The following DNAH5 variants were observed in gnomAD, a reference collection of about 807,000 sequenced individuals.
The protein encoded by DNAH5 is dynein axonemal heavy chain 5, also known as axonemal beta dynein heavy chain 5.
Under a neutral mutation model 518.2 loss-of-function variants are expected in DNAH5, and 372 were observed. The ratio of observed to expected loss-of-function variants is 0.72; its 90% confidence interval spans 0.66 to 0.78. DNAH5 has a LOEUF of 0.78. DNAH5 is among the 30% of genes least tolerant of loss of function. The probability of loss-of-function intolerance (pLI) is 0.00; values close to 1 mark genes in which losing one functional copy is unlikely to be tolerated. For missense variants in DNAH5, 5,523 were observed against 5,687.0 expected, an observed-to-expected ratio of 0.97 and a Z score of 0.93; for synonymous variants, 2,039 against 2,025.9, an observed-to-expected ratio of 1.01 and a Z score of -0.17.
chr5:13,847,816 T>C (rs1053934528), intron 31 of DNAH5, among the ~76,000 whole-genome samples: 1 of 151,646 alleles, frequency 6.6e-6, no homozygotes, highest in Non-Finnish European at 1.5e-5. Flanking sequence ...GGGTGGAAGA[T>C]GAGGAAGGGA....
At chr5:13,925,490 G>A (rs1179133326) in intron 3 of DNAH5, among the ~76,000 whole-genome samples, 1 of 152,168 alleles carries the variant, frequency 6.6e-6, no homozygotes, top group Non-Finnish European at 1.5e-5. Flanking sequence ...AGGTTTGATT[G>A]GCCTTACAGT....
At chr5:13,989,595 T>C (rs1192341782) in intron 1 of DNAH5, among the ~76,000 whole-genome samples, 1 of 151,214 alleles carries the variant, frequency 6.6e-6, no homozygotes, top group Non-Finnish European at 1.5e-5. Flanking sequence ...GCCGTTCTCC[T>C]GCCTCAGCCT....
chr5:13,830,153 A>C lies in DNAH5; in HGVS notation c.6122T>G (p.Val2041Gly), dbSNP rs1763442501. ...AATTTGCTGGGCTGCAACCGAGAGA[A>C]CTGGTAGATCAATACGGTTAAATTC... ...FDEFNRIDLP[V>G]LSVAAQQISI... The change falls in exon 37 of 79, where the codon GTT becomes GGT. Residue 2041 changes from valine (V) to glycine (G), a missense_variant. Coordinates refer to ENST00000265104, the MANE Select transcript of DNAH5 (RefSeq NM_001369.3). 1 of 1,614,064 alleles carries C rather than the reference A, an allele frequency of 6.2e-7. No individual in the cohort carries two copies.
intron 65 of DNAH5, among the ~76,000 whole-genome samples, chr5:13,748,966 G>A (rs1749815232): frequency 6.6e-6 from 1 of 151,922 alleles, no homozygotes; most frequent in South Asian, 2.1e-4. Flanking sequence ...TAGATTGTAG[G>A]AAATGACCCA....
intron 55 of DNAH5, 128 bp downstream of exon 55, chr5:13,776,311 C>T (rs1001510854): frequency 7.9e-7 from 1 of 1,266,922 alleles, no homozygotes; most frequent in Admixed American, 1.7e-5. Context: ...GATTAAACCT[C>T]TGTGCCTTCC....
At chr5:13,957,506 C>A (rs911047576) in intron 1 of DNAH5, among the ~76,000 whole-genome samples, 1 of 152,060 alleles carries the variant, frequency 6.6e-6, no homozygotes, top group African/African-American at 2.4e-5. Context: ...GATGATTTCC[C>A]TTTCAAAAAT....
In DNAH5 at chr5:13,943,799, C is replaced by A. The variant is rs1309121953; in HGVS notation, c.57+583G>T. ...GGTTGAGAACTGAGTCCTAGAGAAA[C>A]CTCCAATTTCTTCTGACGTTAATTG... On this transcript the variant is annotated intron_variant, in intron 1 of 78. Transcript: ENST00000265104. Among the ~76,000 whole-genome samples, 4 of 152,296 alleles carry A rather than the reference C, an allele frequency of 2.6e-5. No individual in the cohort carries two copies. The South Asian group carries it at 6.2e-4, about 24-fold the overall frequency.
Position 13,809,057 on chromosome 5 carries a change from G to A in DNAH5, c.7739C>T (p.Ala2580Val). Residue 2580 changes from alanine (A) to valine (V), a missense_variant, in exon 46 of 79, where the codon GCT (alanine) becomes GTT (valine). By Grantham distance (64) the Ala-to-Val change is moderately conservative. This residue lies in a region of DNAH5 where 5,121 missense variants were observed against 5,223.3 expected (regional missense o/e 0.98). Coordinates refer to ENST00000265104, the MANE Select transcript of DNAH5 (RefSeq NM_001369.3). ...VRTDFLIQTI[A>V]KQGKAVLLIG... ...TAAAAGTCATACCTTGCCCTGTTTA[G>A]CAATGGTTTGAATTAGAAAGTCAGT... The A allele has an allele frequency of 1.9e-6, 3 of 1,614,180 alleles. No homozygotes were observed. The highest frequency in any genetic ancestry group is 2.5e-6 in the Non-Finnish European group (3 of 1,180,020).
At chr5:13,696,518 C>A (rs1226698931) in intron 78 of DNAH5, among the ~76,000 whole-genome samples, 1 of 151,928 alleles carries the variant, frequency 6.6e-6, no homozygotes, top group Non-Finnish European at 1.5e-5. Flanking sequence ...GAAAACAAAC[C>A]AGTCCTATAT....
intron 70 of DNAH5, among the ~76,000 whole-genome samples, chr5:13,722,466 G>A (rs1745182306): frequency 6.6e-6 from 1 of 152,182 alleles, no homozygotes; most frequent in African/African-American, 2.4e-5. Flanking sequence ...CACCACAGAG[G>A]AATCTCCTGG....
rs2151941677 is a variant in DNAH5, at chr5:13,885,128, A to G, written c.2844T>C (p.Thr948=). 5 of 1,614,204 alleles carry G rather than the reference A, an allele frequency of 3.1e-6. No homozygotes were observed. The highest frequency in any genetic ancestry group is 4.2e-6 in the Non-Finnish European group (5 of 1,180,030). The change falls in exon 19 of 79, where the codon ACT becomes ACC. Residue 948 remains threonine, a synonymous_variant. Transcript: ENST00000265104. ...LTTVTRKKKE[T]EMLGEEAREL... ...CGCGGGCTTCTTCCCCTAACATCTC[A>G]GTTTCTTTCTTTTTCCTCGTGACTG...
intron 35 of DNAH5, among the ~76,000 whole-genome samples, chr5:13,831,829 CTCCACATGCATCATCTCGTTTCA>C: frequency 6.6e-6 from 1 of 152,200 alleles, no homozygotes; most frequent in African/African-American, 2.4e-5. Context: ...CCACAGTGTG[CTCCACATGCATCATCTCGTTTCA>C]TCCCCAGAGA....
chr5:13,841,711 A>G lies in DNAH5; in HGVS notation c.5465T>C (p.Leu1822Pro). 1 of 1,613,498 alleles carries G rather than the reference A, an allele frequency of 6.2e-7. No homozygotes were observed. Among genetic ancestry groups the G allele is most frequent in the Non-Finnish European group, 8.5e-7 (1 of 1,179,392 alleles). Residue 1822 changes from leucine to proline, a missense_variant, in exon 33 of 79, where the codon CTT becomes CCT. By Grantham distance (98) the Leu-to-Pro change is moderately conservative. Around this residue, in one of 3 missense-constraint regions of DNAH5, gnomAD observed 5,121 missense variants for 5,223.3 expected, o/e 0.98. Transcript: ENST00000265104. The part of the protein sequence containing the change: ...QETGFQLTEF[L>P]SSFPAQVGLL... ...ACTGACCTGAGCAGGGAAGGATGAA[A>G]GAAATTCAGTTAGTTGGAAACCTGT...
intron 14 of DNAH5, 95 bp downstream of exon 14, chr5:13,901,157 C>T (rs546553547): frequency 4.3e-6 from 6 of 1,384,196 alleles, no homozygotes; most frequent in South Asian, 1.2e-5. Context: ...AAAACACCTA[C>T]AAATCCAGCT....
Position 13,841,782 on chromosome 5 carries a change from G to C in DNAH5, c.5394C>G (p.Ser1798=). The C allele has an allele frequency of 6.2e-7, 1 of 1,613,820 alleles. No homozygotes were observed. Among genetic ancestry groups the C allele is most frequent in the East Asian group, 2.2e-5 (1 of 44,872 alleles). The change falls in exon 33 of 79, where the codon TCC becomes TCG. Residue 1798 remains serine (S), a synonymous_variant. Coordinates refer to ENST00000265104, the MANE Select transcript of DNAH5 (RefSeq NM_001369.3). ...WLNSLLEESQ[S]SLHLVIRQAA... is the part of the protein sequence containing the mutation. ...CCTGGCGAATCACAAGATGCAATGA[G>C]GACTGAGATTCTTCCAAAAGAGAAT...
At chr5:13,726,519 G>T (rs1745759800) in intron 70 of DNAH5, among the ~76,000 whole-genome samples, 1 of 152,190 alleles carries the variant, frequency 6.6e-6, no homozygotes, top group African/African-American at 2.4e-5. Context: ...ATAAGAAAGA[G>T]ACTACTCAAA....
At chr5:13,811,163 T>C (rs559256083) in intron 44 of DNAH5, among the ~76,000 whole-genome samples, 16 of 152,286 alleles carry the variant, frequency 1.1e-4, no homozygotes, top group Admixed American at 2.6e-4. Context: ...CAATAATTTG[T>C]TGTGCATTTT....
At chr5:13,693,658 A>C (rs1476456686) in intron 78 of DNAH5, among the ~76,000 whole-genome samples, 17 of 152,354 alleles carry the variant, frequency 1.1e-4, no homozygotes, top group African/African-American at 4.1e-4. Flanking sequence ...GTCAGGGATA[A>C]TGCTAACATC....
At chr5:13,820,595 C>T (rs376648072) in intron 40 of DNAH5, 96 bp from the exon 41 acceptor site, 29 of 1,417,388 alleles carry the variant, frequency 2.0e-5, no homozygotes, top group South Asian at 4.6e-5. Flanking sequence ...GAGGCCGAGG[C>T]GGGCAGATCA....
Sources: allele counts gnomAD v4.1 joint callset (sites outside exome capture counted in the v4.1 genomes callset), GRCh38; gene constraint gnomAD v4.1.1; regional missense constraint gnomAD v4.1.1; transcripts MANE v1.5; gene names NCBI Gene and HGNC (gene_info 2026-07-23, HGNC 2026-07-21).